IGSF3: variants seen among roughly 807,000 people sequenced by gnomAD.
IGSF3 encodes glu-Trp-Ile EWI motif-containing protein 3.
A neutral mutation model predicts 114.4 loss-of-function variants in IGSF3; 23 were observed. That is an observed-to-expected ratio of 0.20 (90% CI 0.14 to 0.28). The LOEUF is 0.28. Among genes scored for constraint, IGSF3 ranks in the 10% least tolerant of loss-of-function variants. IGSF3 has a pLI of 1.00. For synonymous variants in IGSF3, 571 were observed against 645.2 expected, an observed-to-expected ratio of 0.88 and a Z score of 1.74; for missense variants, 1,172 against 1,591.5, an observed-to-expected ratio of 0.74 and a Z score of 4.48.
chr1:116,577,498 A>C lies in IGSF3; in HGVS notation c.3399T>G (p.Pro1133=). The change falls in exon 11 of 11, where the codon CCT becomes CCG. Residue 1133 remains proline, a synonymous_variant. Transcript: ENST00000369486. The surrounding 1 kb of genome is among the most constrained non-coding windows in gnomAD (Gnocchi z 5.7). ...TGATAAGAATGCCAAAGATGGGGAAAGGGTAGAAGAAGACGAAGTAGAAGA... is the reference window on the plus strand; with the variant it reads ...TGATAAGAATGCCAAAGATGGGGAACGGGTAGAAGAAGACGAAGTAGAAGA... ...DALFYFVFFY[P]FPIFGILIIT... 1 of 1,614,154 alleles carries C rather than the reference A, an allele frequency of 6.2e-7. No individual in the cohort carries two copies. Among genetic ancestry groups the C allele is most frequent in the South Asian group, 1.1e-5 (1 of 91,078 alleles).
At chr1:116,663,855 T>C (rs1466900735) in intron 2 of IGSF3, among the ~76,000 whole-genome samples, 3 of 152,198 alleles carry the variant, frequency 2.0e-5, no homozygotes, top group Non-Finnish European at 2.9e-5. Context: ...CTTATCCAAC[T>C]TTTTTAAACA....
rs1328073655 is a variant in IGSF3, at chr1:116,608,257, T to G, written c.907A>C (p.Ile303Leu). 3.7e-6 allele frequency: 6 copies of G among 1,612,240 alleles called. No homozygotes were observed. The highest frequency in any genetic ancestry group is 5.1e-6 in the Non-Finnish European group (6 of 1,178,488). ...TVGEPVEFRC[I>L]LEAQNVPDRY... ...TCGGGAACATTCTGAGCCTCCAGGATGCATCTGAACTCCACCGGCTCGCCC... is the reference window on the plus strand; with the variant it reads ...TCGGGAACATTCTGAGCCTCCAGGAGGCATCTGAACTCCACCGGCTCGCCC... The change falls in exon 5 of 11, where the codon ATC becomes CTC. Residue 303 changes from isoleucine (I) to leucine (L), a missense_variant. Transcript: ENST00000369486.
chr1:116,587,802 C>T (rs962341779), intron 8 of IGSF3, among the ~76,000 whole-genome samples: 2 of 152,048 alleles, frequency 1.3e-5, no homozygotes, highest in African/African-American at 4.8e-5. Flanking sequence ...AGCGAAGGCA[C>T]GGAGATGAGG....
In IGSF3 at chr1:116,633,501, C is replaced by T. The variant is rs1004030880; in HGVS notation, c.44-17044G>A. ...CCAAGACTGTGTAATTCTGTGATACCAGTATTGAAAGCCCCTGCATTTCCC... is the reference window on the plus strand; with the variant it reads ...CCAAGACTGTGTAATTCTGTGATACTAGTATTGAAAGCCCCTGCATTTCCC... On this transcript the variant is annotated intron_variant, in intron 2 of 10. Coordinates refer to ENST00000369486, the MANE Select transcript of IGSF3 (RefSeq NM_001007237.3). This position sits in a 1 kb window ranked among gnomAD's most constrained non-coding sequence, Gnocchi z 4.3. Among the ~76,000 whole-genome samples the T allele has an allele frequency of 6.6e-6, 1 of 152,004 alleles. No individual in the cohort carries two copies. The highest frequency in any genetic ancestry group is 6.6e-5 in the Admixed American group (1 of 15,254).
intron 5 of IGSF3, among the ~76,000 whole-genome samples, chr1:116,606,760 G>C (rs1165494938): frequency 6.6e-6 from 1 of 152,162 alleles, no homozygotes. Flanking sequence ...AAAGACAGTG[G>C]GCATTCAATT....
At position 116,657,539 on chromosome 1, in the gene IGSF3, C is replaced by T. The variant is rs1292808608; in HGVS notation, c.43+8745G>A. On this transcript the variant is annotated intron_variant, in intron 2 of 10. Transcript: ENST00000369486. The surrounding 1 kb of genome is among the most constrained non-coding windows in gnomAD (Gnocchi z 4.2). ...AGAACTGGACTATATCAAGTGTGAA[C>T]GATCATACTGGTTATCATGTGGGAA... Among the ~76,000 whole-genome samples the T allele has an allele frequency of 1.3e-5, 2 of 152,130 alleles. No homozygotes were observed. Among genetic ancestry groups the T allele is most frequent in the Non-Finnish European group, 2.9e-5 (2 of 68,040 alleles).
intron 5 of IGSF3, among the ~76,000 whole-genome samples, chr1:116,604,741 T>C (rs544450351): frequency 6.6e-6 from 1 of 152,124 alleles, no homozygotes; most frequent in Non-Finnish European, 1.5e-5. Context: ...CTAGAAACAT[T>C]TGGCCAATCA....
chr1:116,579,724 C>T lies in IGSF3; in HGVS notation c.3002G>A (p.Arg1001Lys), dbSNP rs772015288. 1.2e-6 allele frequency: 2 copies of T among 1,614,122 alleles called. No homozygotes were observed. The highest frequency in any genetic ancestry group is 1.1e-5 in the South Asian group (1 of 91,078). ...YSLRTKAGGK[R>K]SSPGLEEQEE... ...CTGTTCTTCCAGGCCAGGGCTGCTCCTTTTCCCCCCAGCTTTAGTCCTCAG... is the reference window on the plus strand; with the variant it reads ...CTGTTCTTCCAGGCCAGGGCTGCTCTTTTTCCCCCCAGCTTTAGTCCTCAG... Residue 1001 changes from arginine to lysine, a missense_variant, in exon 10 of 11, where the codon AGG becomes AAG. Coordinates refer to ENST00000369486, the MANE Select transcript of IGSF3 (RefSeq NM_001007237.3). The surrounding 1 kb of genome is among the most constrained non-coding windows in gnomAD (Gnocchi z 6.4).
At chr1:116,606,540 C>T (rs768954347) in intron 5 of IGSF3, 8 of 964,006 alleles carry the variant, frequency 8.3e-6, no homozygotes, top group South Asian at 2.6e-5. Flanking sequence ...ACTTTAACTA[C>T]CCAGTTATCT....
In IGSF3 at chr1:116,624,846, CCCTGGGCAGGTGCT is replaced by C. The variant is rs1661527053; in HGVS notation, c.44-8403_44-8390del. ...AGGGGGCCCAAGGCACATGGAGAGGCCCTGGGCAGGTGCTCCAGTCCAGAGCTGGCTCCAGCCAG... is the reference window on the plus strand; with the variant it reads ...AGGGGGCCCAAGGCACATGGAGAGGCCCAGTCCAGAGCTGGCTCCAGCCAG... On this transcript the variant is annotated intron_variant, in intron 2 of 10. Coordinates refer to ENST00000369486, the MANE Select transcript of IGSF3 (RefSeq NM_001007237.3). This position sits in a 1 kb window ranked among gnomAD's most constrained non-coding sequence, Gnocchi z 4.9. Among the ~76,000 whole-genome samples, 1 of 152,186 alleles carries C rather than the reference CCCTGGGCAGGTGCT, an allele frequency of 6.6e-6. No homozygotes were observed. The highest frequency in any genetic ancestry group is 1.9e-4 in the East Asian group (1 of 5,192).
Position 116,590,306 on chromosome 1 carries a change from C to T in IGSF3, c.2030-1202G>A, listed in dbSNP as rs138857901. 2.9e-3 allele frequency among the ~76,000 whole-genome samples: 446 copies of T among 151,930 alleles called. 3 individuals carry two copies. The highest frequency in any genetic ancestry group is 0.01 in the African/African-American group (429 of 41,396). The stretch of plus-strand genomic sequence containing the variant: ...TTAGGAAGGTGATTTGAGATCTCAC[C>T]CACCCCATCATCATTAACCTCGGCT... On this transcript the variant is annotated intron_variant, in intron 7 of 10. Transcript: ENST00000369486.
Position 116,588,755 on chromosome 1 carries a change from G to T in IGSF3, c.2379C>A (p.Tyr793Ter). The change falls in exon 8 of 11, where the codon TAC (tyrosine) becomes TAA (stop). Residue 793 changes from tyrosine (Y) to a stop codon, truncating the protein, a stop_gained. Coordinates refer to ENST00000369486, the MANE Select transcript of IGSF3 (RefSeq NM_001007237.3). LOFTEE classifies it high-confidence loss of function. The surrounding 1 kb of genome is among the most constrained non-coding windows in gnomAD (Gnocchi z 4.9). ...CCTCCTCTGCCAGCTTGTACCAGGCGTAGTTGGGGCTCAGCAGCCACTCCT... is the reference window on the plus strand; with the variant it reads ...CCTCCTCTGCCAGCTTGTACCAGGCTTAGTTGGGGCTCAGCAGCCACTCCT... The part of the protein sequence containing the change: ...HVEEWLLSPN[Y>*]AWYKLAEEVS... 3 of 1,614,040 alleles carry T rather than the reference G, an allele frequency of 1.9e-6. No individual in the cohort carries two copies. Among genetic ancestry groups the T allele is most frequent in the Non-Finnish European group, 2.5e-6 (3 of 1,179,978 alleles).
In IGSF3 at chr1:116,577,640, C is replaced by T. The variant is rs1220774020; in HGVS notation, c.3335-78G>A. Reference sequence around the variant, plus strand: ...CTCACATTTCCTTTTGAAGACCTCACCTGACCCAGTGGAAGCTCCTCGGTG... The same window carrying T: ...CTCACATTTCCTTTTGAAGACCTCATCTGACCCAGTGGAAGCTCCTCGGTG... On this transcript the variant is annotated intron_variant, in intron 10 of 10. Coordinates refer to ENST00000369486, the MANE Select transcript of IGSF3 (RefSeq NM_001007237.3). The surrounding 1 kb of genome is among the most constrained non-coding windows in gnomAD (Gnocchi z 5.7). 1 of 1,450,338 alleles carries T rather than the reference C, an allele frequency of 6.9e-7. No homozygotes were observed. Among genetic ancestry groups the T allele is most frequent in the Non-Finnish European group, 9.5e-7 (1 of 1,055,686 alleles). 89.8% of individuals were successfully genotyped at this position (1,450,338 alleles called of 1,614,324 possible). A position where few individuals can be genotyped will look rare whatever the true frequency, so the allele number is the denominator to read the frequency against.
intron 2 of IGSF3, among the ~76,000 whole-genome samples, chr1:116,619,402 T>C (rs1392456547): frequency 6.6e-6 from 1 of 152,162 alleles, no homozygotes; most frequent in Non-Finnish European, 1.5e-5. Flanking sequence ...TCAAATCAAC[T>C]TGTCTAGGCT....
In IGSF3 at chr1:116,633,471, C is replaced by G. The variant is rs573695790; in HGVS notation, c.44-17014G>C. ...CTAGACAATCCTTAAAATCCCCTTT[C>G]AGCTCCAAGACTGTGTAATTCTGTG... On this transcript the variant is annotated intron_variant, in intron 2 of 10. Transcript: ENST00000369486. The surrounding 1 kb of genome is among the most constrained non-coding windows in gnomAD (Gnocchi z 4.3). Among the ~76,000 whole-genome samples, 16 of 152,328 alleles carry G rather than the reference C, an allele frequency of 1.1e-4. No homozygotes were observed. Among genetic ancestry groups the G allele is most frequent in the Middle Eastern group, 3.4e-3 (1 of 294 alleles).
intron 2 of IGSF3, among the ~76,000 whole-genome samples, chr1:116,659,945 G>A (rs1649041743): frequency 1.3e-5 from 2 of 151,940 alleles, no homozygotes; most frequent in African/African-American, 4.8e-5. Flanking sequence ...TAATCAAGGA[G>A]TCATAACTAA....
rs1053549408 is a variant in IGSF3 at position 116,632,150 on chromosome 1, T to G, written c.44-15693A>C. ...GGAAGGACAAACAAGATGTTCAAATTAGAAAATGATTCCATTAATGAGGGC... is the reference window on the plus strand; with the variant it reads ...GGAAGGACAAACAAGATGTTCAAATGAGAAAATGATTCCATTAATGAGGGC... On this transcript the variant is annotated intron_variant, in intron 2 of 10. Transcript: ENST00000369486. The surrounding 1 kb of genome is among the most constrained non-coding windows in gnomAD (Gnocchi z 5.1). 2.6e-5 allele frequency among the ~76,000 whole-genome samples: 4 copies of G among 152,176 alleles called. No individual in the cohort carries two copies. Among genetic ancestry groups the G allele is most frequent in the African/African-American group, 9.7e-5 (4 of 41,442 alleles).
At chr1:116,587,675 T>C (rs1659912516) in intron 8 of IGSF3, among the ~76,000 whole-genome samples, 2 of 152,084 alleles carry the variant, frequency 1.3e-5, no homozygotes, top group Non-Finnish European at 2.9e-5. Flanking sequence ...CCCCTACTGG[T>C]ATGGGAGAAA....
At chr1:116,635,823 G>A (rs1379679819) in intron 2 of IGSF3, among the ~76,000 whole-genome samples, 1 of 152,154 alleles carries the variant, frequency 6.6e-6, no homozygotes, top group Non-Finnish European at 1.5e-5. Context: ...CCCACACCCA[G>A]CCAATGCCCA....
Sources: gnomAD v4.1 joint callset for allele counts (sites outside exome capture counted in the v4.1 genomes callset) on GRCh38, gnomAD v4.1.1 for gene constraint, Gnocchi (gnomAD v3.1) non-coding constraint, MANE v1.5 for transcripts, NCBI Gene and HGNC (gene_info 2026-07-23, HGNC 2026-07-21) for gene names.